Variants in NUDCD1 observed in about 807,000 individuals in gnomAD.
NUDCD1 encodes the protein NudC domain containing 1, also known as nudC domain-containing protein 1.
Under a neutral mutation model 67.8 loss-of-function variants are expected in NUDCD1, and 60 were observed. The observed-to-expected ratio is 0.88, with a 90% CI of 0.72 to 1.10. The LOEUF (loss-of-function observed/expected upper bound fraction) is 1.10. Among genes scored for constraint, NUDCD1 ranks in the 50% least tolerant of loss-of-function variants. NUDCD1 has a pLI of 0.00. For missense variants in NUDCD1, 643 were observed against 695.0 expected (o/e 0.93, Z 0.84); for synonymous variants, 244 against 230.8 (o/e 1.06, Z -0.52).
At chr8:109,251,045 TTTC>T (rs1813610937) in intron 8 of NUDCD1, among the ~76,000 whole-genome samples, 1 of 152,218 alleles carries the variant, frequency 6.6e-6, no homozygotes, top group African/African-American at 2.4e-5. Context: ...ATTGGTATTG[TTTC>T]TTCATTTGGT....
intron 8 of NUDCD1, 111 bp from the exon 9 acceptor site, chr8:109,245,592 T>C (rs1813476247): frequency 1.4e-6 from 1 of 721,264 alleles, no homozygotes; most frequent in South Asian, 2.0e-5. Flanking sequence ...TTTTATACTT[T>C]TTATATACTT....
At chr8:109,306,169 A>C (rs960930181) in intron 2 of NUDCD1, among the ~76,000 whole-genome samples, 1 of 152,112 alleles carries the variant, frequency 6.6e-6, no homozygotes, top group African/African-American at 2.4e-5. Context: ...TTTTCTTCCA[A>C]ACTATCGTAG....
At chr8:109,309,650 A>G (rs1245278696) in intron 2 of NUDCD1, among the ~76,000 whole-genome samples, 2 of 152,216 alleles carry the variant, frequency 1.3e-5, no homozygotes, top group Admixed American at 6.5e-5. Context: ...CCAAATCAGT[A>G]AAGAGAAAGT....
Position 109,293,433 on chromosome 8 carries a change from A to T in NUDCD1, c.551T>A (p.Leu184His), listed in dbSNP as rs749814908. ...CAATTCCTCTTTCTCTATTCGAAGA[A>T]GTAGGGTAGCTATAGAATGTTCTTC... ...NAEEHSIATL[L>H]LRIEKEELDM... Residue 184 changes from leucine to histidine, a missense_variant, in exon 4 of 10, where the codon CTT becomes CAT. Physicochemically the swap from Leu to His is moderately conservative, Grantham distance 99 (BLOSUM62 -3). Coordinates refer to ENST00000239690, the MANE Select transcript of NUDCD1 (RefSeq NM_032869.4). 6.3e-7 allele frequency: 1 copy of T among 1,589,888 alleles called. No individual in the cohort carries two copies. The highest frequency in any genetic ancestry group is 8.6e-7 in the Non-Finnish European group (1 of 1,165,278).
rs549887382 is a variant in NUDCD1 at position 109,272,196 on chromosome 8, G to C, written c.1174-1066C>G. 6.3e-4 allele frequency among the ~76,000 whole-genome samples: 96 copies of C among 151,894 alleles called. 1 individual carries two copies. In the South Asian group the frequency reaches 6.7e-3, roughly 11 times the overall value. ...TTTTAAAAGAGAATTACTGACTATA[G>C]CTAAAATAACAAGGTATTATTAATT... On this transcript the variant is annotated intron_variant, in intron 7 of 9. Transcript: ENST00000239690.
intron 6 of NUDCD1, among the ~76,000 whole-genome samples, chr8:109,280,056 A>T (rs116572814): frequency 0.021 from 3,148 of 152,332 alleles, 109 homozygotes; most frequent in African/African-American, 0.072. Context: ...TTCCACTTTT[A>T]GAAATTTATC....
chr8:109,307,412 C>T (rs1815134706), intron 2 of NUDCD1, among the ~76,000 whole-genome samples: 1 of 152,200 alleles, frequency 6.6e-6, no homozygotes. Context: ...AGCCTTGTGG[C>T]TCACACAAAG....
chr8:109,327,445 A>G (rs1011260057), intron 1 of NUDCD1, among the ~76,000 whole-genome samples: 1 of 152,140 alleles, frequency 6.6e-6, no homozygotes, highest in Non-Finnish European at 1.5e-5. Flanking sequence ...TGCTCTGAAG[A>G]AAGAAAAAGG....
At chr8:109,317,948 T>C (rs1586306855) in intron 2 of NUDCD1, among the ~76,000 whole-genome samples, 2 of 152,334 alleles carry the variant, frequency 1.3e-5, no homozygotes, top group East Asian at 1.9e-4. Context: ...TGTACACTCA[T>C]ATTAGCACCT....
intron 5 of NUDCD1, among the ~76,000 whole-genome samples, chr8:109,285,412 T>C (rs971126968): frequency 3.3e-5 from 5 of 152,014 alleles, no homozygotes; most frequent in African/African-American, 7.2e-5. Flanking sequence ...AAAATCTTCA[T>C]CAAAATACTG....
At chr8:109,269,123 T>C (rs980991987) in intron 8 of NUDCD1, among the ~76,000 whole-genome samples, 2 of 152,158 alleles carry the variant, frequency 1.3e-5, no homozygotes, top group African/African-American at 4.8e-5. Context: ...TAAAAGATAA[T>C]TCTAAAGAAA....
chr8:109,280,375 T>C (rs1814404148), intron 6 of NUDCD1, among the ~76,000 whole-genome samples: 1 of 152,202 alleles, frequency 6.6e-6, no homozygotes, highest in African/African-American at 2.4e-5. Flanking sequence ...CACAAACTCC[T>C]GGCCTCAAGC....
chr8:109,248,721 A>AT (rs1813556638), intron 8 of NUDCD1, among the ~76,000 whole-genome samples: 1 of 151,974 alleles, frequency 6.6e-6, no homozygotes, highest in Admixed American at 6.6e-5. Context: ...TTGGAAAAAA[A>AT]AAAAAAAAAA....
intron 2 of NUDCD1, among the ~76,000 whole-genome samples, chr8:109,310,976 C>T (rs1280847400): frequency 2.6e-5 from 4 of 151,576 alleles, no homozygotes; most frequent in Admixed American, 6.6e-5. Context: ...CCACCACGCC[C>T]GGCTAATTTT....
chr8:109,266,252 G>A (rs1371051742), intron 8 of NUDCD1, among the ~76,000 whole-genome samples: 2 of 151,370 alleles, frequency 1.3e-5, no homozygotes, highest in African/African-American at 4.9e-5. Context: ...TTGAGACGGA[G>A]TCTCGCTGTG....
At chr8:109,270,090 A>AGGGGGGGGGGG (rs1563665962) in intron 8 of NUDCD1, among the ~76,000 whole-genome samples, 9 of 7,606 alleles carry the variant, frequency 1.2e-3, no homozygotes, top group Admixed American at 1.8e-3. Flanking sequence ...GGGTGCCTTA[A>AGGGGGGGGGGG]GGTGGGGTGT....
chr8:109,252,361 T>C (rs753917588), intron 8 of NUDCD1, among the ~76,000 whole-genome samples: 17 of 152,104 alleles, frequency 1.1e-4, no homozygotes, highest in Non-Finnish European at 8.8e-5. Flanking sequence ...TTTTTCTTTA[T>C]CTTTTCCTCT....
At chr8:109,298,452 C>G (rs1814896658) in intron 2 of NUDCD1, 1 of 152,114 alleles carries the variant, frequency 6.6e-6, no homozygotes, top group Non-Finnish European at 1.5e-5. Context: ...CACCAGAGAA[C>G]TTCTGGGAAA....
chr8:109,294,965 C>G (rs992754945), intron 3 of NUDCD1, among the ~76,000 whole-genome samples: 4 of 151,996 alleles, frequency 2.6e-5, no homozygotes, highest in Non-Finnish European at 5.9e-5. Context: ...CAATTAATCC[C>G]CAAGTCTCCT....
Sources: allele counts gnomAD v4.1 joint callset (sites outside exome capture counted in the v4.1 genomes callset), GRCh38; gene constraint gnomAD v4.1.1; transcripts MANE v1.5; gene names NCBI Gene and HGNC (gene_info 2026-07-23, HGNC 2026-07-21).